The following ZNF865 variants were observed in gnomAD, a reference collection of about 807,000 sequenced individuals.
ZNF865 encodes zinc finger protein 865.
For synonymous variants in ZNF865, 763 were observed against 750.8 expected, an observed-to-expected ratio of 1.02 and a Z score of -0.27; for missense variants, 1,311 against 1,593.4, an observed-to-expected ratio of 0.82 and a Z score of 3.02.
rs924372565 is a variant in ZNF865 at position 55,617,052 on chromosome 19, C to T, written c.*254C>T. The T allele has an allele frequency of 4.9e-6, 2 of 405,712 alleles. No homozygotes were observed. The highest frequency in any genetic ancestry group is 2.1e-5 in the African/African-American group (1 of 48,228). The allele number at this position is 405,712 out of a possible 1,614,324, so 25.1% of individuals were successfully genotyped here. On this transcript the variant is annotated 3_prime_UTR_variant, in exon 2 of 2. Transcript: ENST00000568956. ...AACCCTCGTTTGTGACCCGCATCAG[C>T]CCCCGCCCCAGCAGCACTCTGCCCC...
Position 55,614,862 on chromosome 19 carries a change from C to T in ZNF865, c.1244C>T (p.Ala415Val). ...LRLPCGICGK[A>V]FRDASYLLKH... ...CTGCCCTGCGGCATCTGCGGGAAGG[C>T]CTTCCGCGACGCCTCCTACCTCCTC... The change falls in exon 2 of 2, where the codon GCC becomes GTC. Residue 415 changes from alanine (A) to valine (V), a missense_variant. Physicochemically the swap from Ala to Val is moderately conservative, Grantham distance 64. Coordinates refer to ENST00000568956, the MANE Select transcript of ZNF865 (RefSeq NM_001195605.2). This position sits in a 1 kb window ranked among gnomAD's most constrained non-coding sequence, Gnocchi z 8.0. 1.3e-6 allele frequency: 2 copies of T among 1,519,034 alleles called. No individual in the cohort carries two copies. Among genetic ancestry groups the T allele is most frequent in the Non-Finnish European group, 1.8e-6 (2 of 1,137,380 alleles). The allele number at this position is 1,519,034 out of a possible 1,614,324, so 94.1% of individuals were successfully genotyped here.
chr19:55,614,467 C>G lies in ZNF865; in HGVS notation c.849C>G (p.Gly283=). Residue 283 remains glycine (G), a synonymous_variant, in exon 2 of 2, where the codon GGC becomes GGG. Coordinates refer to ENST00000568956, the MANE Select transcript of ZNF865 (RefSeq NM_001195605.2). The surrounding 1 kb of genome is among the most constrained non-coding windows in gnomAD (Gnocchi z 8.0). ...CHKDVPPAAG[G]PPQPGPHLPP... ...AGGACGTGCCACCGGCCGCGGGGGG[C>G]CCGCCCCAGCCCGGCCCCCACCTCC... 7.2e-7 allele frequency: 1 copy of G among 1,393,018 alleles called. No individual in the cohort carries two copies. The highest frequency in any genetic ancestry group is 3.2e-5 in the East Asian group (1 of 31,236). The allele number at this position is 1,393,018 out of a possible 1,614,324, so 86.3% of individuals were successfully genotyped here. A position where few individuals can be genotyped will look rare whatever the true frequency, so the allele number is the denominator to read the frequency against.
At chr19:55,608,707 GAAT>G (rs145169890) in intron 1 of ZNF865, among the ~76,000 whole-genome samples, 4,469 of 152,206 alleles carry the variant, frequency 0.029, 100 homozygotes, top group Middle Eastern at 0.065. Context: ...AGTAAAATGG[GAAT>G]AATAATAACA....
At chr19:55,608,192 C>G (rs2123582341) in intron 1 of ZNF865, among the ~76,000 whole-genome samples, 1 of 152,010 alleles carries the variant, frequency 6.6e-6, no homozygotes, top group East Asian at 1.9e-4. Flanking sequence ...AGATGGTTGC[C>G]TGAGAGTCAG....
At chr19:55,608,166 G>A (rs1981006817) in intron 1 of ZNF865, among the ~76,000 whole-genome samples, 1 of 152,130 alleles carries the variant, frequency 6.6e-6, no homozygotes, top group Admixed American at 6.5e-5. Flanking sequence ...ATGGGGAGGA[G>A]GTGAAGGGGT....
intron 1 of ZNF865, among the ~76,000 whole-genome samples, chr19:55,608,246 C>T (rs1296933239): frequency 6.7e-6 from 1 of 150,204 alleles, no homozygotes; most frequent in Non-Finnish European, 1.5e-5. Context: ...GGCCCTGCAG[C>T]AGGAATAGAG....
rs891648028 is a variant in ZNF865, at chr19:55,616,168, C to G, written c.2550C>G (p.Cys850Trp). 6.6e-7 allele frequency: 1 copy of G among 1,513,640 alleles called. No homozygotes were observed. The highest frequency in any genetic ancestry group is 1.4e-5 in the African/African-American group (1 of 71,614). 93.8% of individuals were successfully genotyped at this position (1,513,640 alleles called of 1,614,324 possible). A position where few individuals can be genotyped will look rare whatever the true frequency, so the allele number is the denominator to read the frequency against. Residue 850 changes from cysteine (C) to tryptophan (W), a missense_variant, in exon 2 of 2, where the codon TGC becomes TGG. Transcript: ENST00000568956. ...RSHRQKRGFR[C>W]PVCGKRFWEA... ...ATCGGCAGAAGCGGGGTTTCCGCTG[C>G]CCGGTGTGCGGGAAGCGCTTCTGGG...
At position 55,611,452 on chromosome 19, in the gene ZNF865, T is replaced by A. The variant is rs1160275628; in HGVS notation, c.-26-2141T>A. On this transcript the variant is annotated intron_variant, in intron 1 of 1. Coordinates refer to ENST00000568956, the MANE Select transcript of ZNF865 (RefSeq NM_001195605.2). This position sits in a 1 kb window ranked among gnomAD's most constrained non-coding sequence, Gnocchi z 4.5. ...CCAGAGCTGTCTCCCCAACTTAGGT[T>A]CCACCTACAGCCTTCCAATTACCAC... is the stretch of plus-strand genomic sequence containing the variant. Among the ~76,000 whole-genome samples the A allele has an allele frequency of 2.0e-5, 3 of 152,172 alleles. No individual in the cohort carries two copies. The highest frequency in any genetic ancestry group is 7.2e-5 in the African/African-American group (3 of 41,420).
Position 55,616,877 on chromosome 19 carries a change from C to A in ZNF865, c.*79C>A, listed in dbSNP as rs73058308. 5 of 1,360,718 alleles carry A rather than the reference C, an allele frequency of 3.7e-6. No homozygotes were observed. The highest frequency in any genetic ancestry group is 4.8e-6 in the Non-Finnish European group (5 of 1,047,826). 84.3% of individuals were successfully genotyped at this position (1,360,718 alleles called of 1,614,324 possible). On this transcript the variant is annotated 3_prime_UTR_variant, in exon 2 of 2. Coordinates refer to ENST00000568956, the MANE Select transcript of ZNF865 (RefSeq NM_001195605.2). ...CCCAGGACTGATCAGACTCTTCCCCCCTCCTCGCTGTTGCCCCATCCTTCA... is the reference window on the plus strand; with the variant it reads ...CCCAGGACTGATCAGACTCTTCCCCACTCCTCGCTGTTGCCCCATCCTTCA...
Position 55,616,186 on chromosome 19 carries a change from C to T in ZNF865, c.2568C>T (p.Arg856=), listed in dbSNP as rs1279601100. The change falls in exon 2 of 2, where the codon CGC becomes CGT. Residue 856 remains arginine (R), a synonymous_variant. Transcript: ENST00000568956. ...TCCGCTGCCCGGTGTGCGGGAAGCG[C>T]TTCTGGGAGGCGGCCCTGCTGATGC... is the stretch of plus-strand genomic sequence containing the variant. ...RGFRCPVCGK[R]FWEAALLMRH... is the part of the protein sequence containing the mutation. The T allele has an allele frequency of 1.3e-6, 2 of 1,521,252 alleles. No individual in the cohort carries two copies. Among genetic ancestry groups the T allele is most frequent in the Non-Finnish European group, 1.8e-6 (2 of 1,138,850 alleles). 94.2% of individuals were successfully genotyped at this position (1,521,252 alleles called of 1,614,324 possible).
In ZNF865 at chr19:55,615,301, C is replaced by A; in HGVS notation, c.1683C>A (p.Arg561=). The part of the protein sequence containing the change: ...CCGICGRGFG[R]RETLKRHERI... ...GCATCTGCGGGCGCGGCTTCGGGCG[C>A]CGCGAGACCCTGAAGCGCCATGAGC... Residue 561 remains arginine (R), a synonymous_variant, in exon 2 of 2, where the codon CGC becomes CGA. Transcript: ENST00000568956. The A allele has an allele frequency of 1.3e-6, 2 of 1,526,824 alleles. No individual in the cohort carries two copies. The highest frequency in any genetic ancestry group is 1.7e-6 in the Non-Finnish European group (2 of 1,143,518). 94.6% of individuals were successfully genotyped at this position (1,526,824 alleles called of 1,614,324 possible).
rs1168707000 is a variant in ZNF865 at position 55,613,804 on chromosome 19, C to G, written c.186C>G (p.Pro62=). ...CGGTGGCGGCCCTGCCCTGCGCCCC[C>G]GGCCCCCCGCCGCAGCCCCCGCCGC... ...AKAVAALPCA[P]GPPPQPPPQP... is the part of the protein sequence containing the mutation. Residue 62 remains proline, a synonymous_variant, in exon 2 of 2, where the codon CCC becomes CCG. Coordinates refer to ENST00000568956, the MANE Select transcript of ZNF865 (RefSeq NM_001195605.2). 5.3e-6 allele frequency: 8 copies of G among 1,508,128 alleles called. No homozygotes were observed. Among genetic ancestry groups the G allele is most frequent in the South Asian group, 1.2e-5 (1 of 80,656 alleles). The allele number at this position is 1,508,128 out of a possible 1,614,324, so 93.4% of individuals were successfully genotyped here.
intron 1 of ZNF865, among the ~76,000 whole-genome samples, chr19:55,609,581 G>A (rs1600008651): frequency 6.6e-6 from 1 of 152,308 alleles, no homozygotes; most frequent in Non-Finnish European, 1.5e-5. Context: ...AGAAAGACCT[G>A]GAATCAGTTA....
At chr19:55,609,827 C>T (rs1300250940) in intron 1 of ZNF865, among the ~76,000 whole-genome samples, 1 of 152,248 alleles carries the variant, frequency 6.6e-6, no homozygotes, top group Non-Finnish European at 1.5e-5. Flanking sequence ...TCATGCTTCT[C>T]TCTGCATAAA....
chr19:55,614,590 C>T lies in ZNF865; in HGVS notation c.972C>T (p.Ala324=), dbSNP rs1316374326. Residue 324 remains alanine (A), a synonymous_variant, in exon 2 of 2, where the codon GCC becomes GCT. Transcript: ENST00000568956. The surrounding 1 kb of genome is among the most constrained non-coding windows in gnomAD (Gnocchi z 8.0). ...SGPPATPVAP[A]PSADGSAAPA... is the part of the protein sequence containing the mutation. ...CTCCAGCCACGCCCGTGGCGCCTGC[C>T]CCCTCCGCAGACGGGAGCGCCGCCC... is the stretch of plus-strand genomic sequence containing the variant. The T allele has an allele frequency of 1.3e-5, 19 of 1,518,340 alleles. No homozygotes were observed. Among genetic ancestry groups the T allele is most frequent in the Non-Finnish European group, 1.7e-5 (19 of 1,138,812 alleles). The allele number at this position is 1,518,340 out of a possible 1,614,324, so 94.1% of individuals were successfully genotyped here. A position where few individuals can be genotyped will look rare whatever the true frequency, so the allele number is the denominator to read the frequency against.
At position 55,614,080 on chromosome 19, in the gene ZNF865, G is replaced by A. The variant is rs866921652; in HGVS notation, c.462G>A (p.Gly154=). The A allele has an allele frequency of 6.9e-7, 1 of 1,443,666 alleles. No individual in the cohort carries two copies. Among genetic ancestry groups the A allele is most frequent in the Non-Finnish European group, 9.0e-7 (1 of 1,105,734 alleles). The allele number at this position is 1,443,666 out of a possible 1,614,324, so 89.4% of individuals were successfully genotyped here. A position where few individuals can be genotyped will look rare whatever the true frequency, so the allele number is the denominator to read the frequency against. ...AGTGGGGCATCGTGGACCTCTCGGG[G>A]CACCAGCACTTGTTTGGGAACCTGA... ...TPQWGIVDLS[G]HQHLFGNLKR... is the part of the protein sequence containing the mutation. Residue 154 remains glycine (G), a synonymous_variant, in exon 2 of 2, where the codon GGG becomes GGA. Coordinates refer to ENST00000568956, the MANE Select transcript of ZNF865 (RefSeq NM_001195605.2). This position sits in a 1 kb window ranked among gnomAD's most constrained non-coding sequence, Gnocchi z 8.0.
intron 1 of ZNF865, among the ~76,000 whole-genome samples, chr19:55,607,732 C>T (rs910356607): frequency 6.6e-6 from 1 of 152,112 alleles, no homozygotes; most frequent in Non-Finnish European, 1.5e-5. Flanking sequence ...GTAAAAATTC[C>T]CCTTCTCCTG....
At position 55,615,524 on chromosome 19, in the gene ZNF865, C is replaced by A; in HGVS notation, c.1906C>A (p.Leu636Met). ...GCACCGGCTCCAGCTGCCCTGCGCC[C>A]TGGCCGGGGCAGCCGGCCTCCCCTC... ...QVHRLQLPCA[L>M]AGAAGLPSTQ... is the part of the protein sequence containing the mutation. Residue 636 changes from leucine to methionine, a missense_variant, in exon 2 of 2, where the codon CTG (leucine) becomes ATG (methionine). Transcript: ENST00000568956. 6.6e-7 allele frequency: 1 copy of A among 1,504,454 alleles called. No individual in the cohort carries two copies. Among genetic ancestry groups the A allele is most frequent in the Non-Finnish European group, 8.8e-7 (1 of 1,132,944 alleles). The allele number at this position is 1,504,454 out of a possible 1,614,324, so 93.2% of individuals were successfully genotyped here. A position where few individuals can be genotyped will look rare whatever the true frequency, so the allele number is the denominator to read the frequency against.
chr19:55,614,875 C>T lies in ZNF865; in HGVS notation c.1257C>T (p.Ala419=). ...TCTGCGGGAAGGCCTTCCGCGACGC[C>T]TCCTACCTCCTCAAGCACCAGGCGG... is the stretch of plus-strand genomic sequence containing the variant. ...CGICGKAFRD[A]SYLLKHQAAH... is the part of the protein sequence containing the mutation. Residue 419 remains alanine, a synonymous_variant, in exon 2 of 2, where the codon GCC becomes GCT. Coordinates refer to ENST00000568956, the MANE Select transcript of ZNF865 (RefSeq NM_001195605.2). This position sits in a 1 kb window ranked among gnomAD's most constrained non-coding sequence, Gnocchi z 8.0. 1 of 1,511,614 alleles carries T rather than the reference C, an allele frequency of 6.6e-7. No homozygotes were observed. The highest frequency in any genetic ancestry group is 8.8e-7 in the Non-Finnish European group (1 of 1,134,030). 93.6% of individuals were successfully genotyped at this position (1,511,614 alleles called of 1,614,324 possible).
Sources: gnomAD v4.1 joint callset for allele counts (sites outside exome capture counted in the v4.1 genomes callset) on GRCh38, gnomAD v4.1.1 for gene constraint, Gnocchi (gnomAD v3.1) non-coding constraint, MANE v1.5 for transcripts, NCBI Gene and HGNC (gene_info 2026-07-23, HGNC 2026-07-21) for gene names.